The following CERT1 variants were observed in gnomAD, a reference collection of about 807,000 sequenced individuals.
CERT1 encodes the protein ceramide transfer protein.
CERT1 carries 31 observed loss-of-function variants against 87.9 expected under a neutral mutation model. The ratio of observed to expected loss-of-function variants is 0.35; its 90% CI spans 0.27 to 0.48. The LOEUF is 0.48. Ranked by LOEUF, CERT1 falls within the 20% of genes least tolerant of loss-of-function variation. The pLI is 0.99. For missense variants in CERT1, 487 were observed against 758.0 expected (o/e 0.64, Z 4.20); for synonymous variants, 289 against 250.9 (o/e 1.15, Z -1.44).
intron 3 of CERT1, among the ~76,000 whole-genome samples, chr5:75,447,213 CTTTAGCAGACTCCAGAGT>C (rs1764580852): frequency 6.6e-6 from 1 of 152,098 alleles, no homozygotes; most frequent in Non-Finnish European, 1.5e-5. Flanking sequence ...ACTTGCAAGC[CTTTAGCAGACTCCAGAGT>C]TTCAAAACAG....
intron 3 of CERT1, among the ~76,000 whole-genome samples, chr5:75,443,987 G>A (rs1388387998): frequency 6.6e-6 from 1 of 152,148 alleles, no homozygotes; most frequent in Non-Finnish European, 1.5e-5. Context: ...CTATTTGCAT[G>A]AATATTTTCT....
chr5:75,442,975 A>G (rs533023739), intron 3 of CERT1, among the ~76,000 whole-genome samples: 1 of 152,312 alleles, frequency 6.6e-6, no homozygotes, highest in South Asian at 2.1e-4. Context: ...ATATATACAT[A>G]TAGAGCTCAG....
intron 11 of CERT1, 30 bp downstream of exon 11, chr5:75,399,280 T>C (rs1466109095): frequency 6.6e-7 from 1 of 1,505,020 alleles, no homozygotes; most frequent in African/African-American, 1.4e-5. Flanking sequence ...ACAGAAAGAC[T>C]CAAGTCCACT....
intron 3 of CERT1, among the ~76,000 whole-genome samples, chr5:75,435,312 T>C (rs745307217): frequency 5.3e-5 from 8 of 152,224 alleles, no homozygotes; most frequent in Non-Finnish European, 1.0e-4. Context: ...AAAATGGCTA[T>C]GTCATCTTTC....
chr5:75,427,080 T>C (rs985865039), intron 3 of CERT1, among the ~76,000 whole-genome samples: 1 of 152,194 alleles, frequency 6.6e-6, no homozygotes, highest in Non-Finnish European at 1.5e-5. Flanking sequence ...CGACAGTTCA[T>C]GGCACGAAGT....
chr5:75,479,016 T>C (rs540736373), intron 2 of CERT1, among the ~76,000 whole-genome samples: 1 of 147,240 alleles, frequency 6.8e-6, no homozygotes, highest in Non-Finnish European at 1.5e-5. Context: ...ACAATTTTGA[T>C]CATCAAAATA....
At chr5:75,458,919 T>C in intron 3 of CERT1, 146 bp downstream of exon 3, 1 of 568,202 alleles carries the variant, frequency 1.8e-6, no homozygotes, top group Admixed American at 2.8e-5. Context: ...ATTTCAAAAA[T>C]TTACATATGA....
At chr5:75,426,583 T>C (rs1388468718) in intron 3 of CERT1, 105 bp from the exon 4 acceptor site, 2 of 738,476 alleles carry the variant, frequency 2.7e-6, no homozygotes, top group African/African-American at 3.5e-5. Flanking sequence ...ATTGGCAGTC[T>C]GGGTGCACAT....
At chr5:75,405,224 G>A (rs1762655335) in intron 8 of CERT1, among the ~76,000 whole-genome samples, 2 of 152,070 alleles carry the variant, frequency 1.3e-5, no homozygotes, top group African/African-American at 2.4e-5. Context: ...CATTTCTTAT[G>A]TTAACAACTC....
At chr5:75,470,769 G>C (rs1447767518) in intron 2 of CERT1, among the ~76,000 whole-genome samples, 1 of 152,048 alleles carries the variant, frequency 6.6e-6, no homozygotes, top group African/African-American at 2.4e-5. Context: ...GAACAATTAG[G>C]CAAGACAAAA....
At chr5:75,388,895 G>C (rs978211278) in intron 12 of CERT1, among the ~76,000 whole-genome samples, 1 of 151,836 alleles carries the variant, frequency 6.6e-6, no homozygotes, top group African/African-American at 2.4e-5. Context: ...AAAAGTGCTG[G>C]GATTACAGGC....
chr5:75,438,507 C>A (rs1764185945), intron 3 of CERT1, among the ~76,000 whole-genome samples: 1 of 152,100 alleles, frequency 6.6e-6, no homozygotes, highest in African/African-American at 2.4e-5. Flanking sequence ...CCCAGTGGCA[C>A]CAGTTTTGGG....
At chr5:75,502,346 C>G (rs974812908) in intron 2 of CERT1, among the ~76,000 whole-genome samples, 4 of 152,086 alleles carry the variant, frequency 2.6e-5, no homozygotes, top group African/African-American at 9.7e-5. Flanking sequence ...TCATTCACTA[C>G]TGGTAGGAGT....
chr5:75,506,138 G>A (rs776084946), intron 1 of CERT1, 22 bp from the exon 2 acceptor site: 8 of 1,601,988 alleles, frequency 5.0e-6, no homozygotes, highest in Admixed American at 1.7e-5. Context: ...AAGGGGAAGG[G>A]AAGAGAGAAG....
At chr5:75,400,162 A>T (rs1762413324) in intron 10 of CERT1, 43 bp downstream of exon 10, 1 of 1,325,980 alleles carries the variant, frequency 7.5e-7, no homozygotes, top group East Asian at 2.3e-5. Context: ...ACAATGAAGA[A>T]CAATACAAGG....
chr5:75,443,678 G>A (rs1377288865), intron 3 of CERT1, among the ~76,000 whole-genome samples: 1 of 152,156 alleles, frequency 6.6e-6, no homozygotes, highest in Non-Finnish European at 1.5e-5. Context: ...ATGTCTTTTA[G>A]ACCTAGTTGG....
At chr5:75,457,838 CTTT>C (rs774042004) in intron 3 of CERT1, among the ~76,000 whole-genome samples, 2 of 150,150 alleles carry the variant, frequency 1.3e-5, no homozygotes, top group Non-Finnish European at 1.5e-5. Context: ...TCGCATACTT[CTTT>C]ATCAATCGTG....
chr5:75,410,374 C>CAT (rs749300128), intron 8 of CERT1, among the ~76,000 whole-genome samples: 21 of 152,192 alleles, frequency 1.4e-4, no homozygotes, highest in Non-Finnish European at 2.8e-4. Flanking sequence ...CTTTGGGAGG[C>CAT]TGAGGCGGGC....
rs567928435 is a variant in CERT1, at chr5:75,464,692, C to T, written c.232-5511G>A. 2.6e-5 allele frequency among the ~76,000 whole-genome samples: 4 copies of T among 152,296 alleles called. No individual in the cohort carries two copies. The East Asian group carries it at 5.8e-4, about 22-fold the overall frequency. ...CTGGGCTCACATGATCCTCCCACCTCAGCCTCTGGAGTAGCTGAGACCACA... is the reference window on the plus strand; with the variant it reads ...CTGGGCTCACATGATCCTCCCACCTTAGCCTCTGGAGTAGCTGAGACCACA... On this transcript the variant is annotated intron_variant, in intron 2 of 16. Transcript: ENST00000643780.
Sources: gnomAD v4.1 joint callset for allele counts (sites outside exome capture counted in the v4.1 genomes callset) on GRCh38, gnomAD v4.1.1 for gene constraint, MANE v1.5 for transcripts, NCBI Gene and HGNC (gene_info 2026-07-23, HGNC 2026-07-21) for gene names.